The following MAPKAPK2 variants were observed in gnomAD, a reference collection of about 807,000 sequenced individuals.
The protein encoded by MAPKAPK2 is MAPK activated protein kinase 2, also known as MAP kinase-activated protein kinase 2.
A neutral mutation model predicts 48.8 loss-of-function variants in MAPKAPK2; 9 were observed. That is an observed-to-expected ratio of 0.18 (90% CI 0.11 to 0.32). The LOEUF (loss-of-function observed/expected upper bound fraction) is 0.32, where lower values mean the gene tolerates loss of function less well. Ranked by LOEUF, MAPKAPK2 falls within the 10% of genes least tolerant of loss-of-function variation. MAPKAPK2 has a pLI of 1.00. For missense variants in MAPKAPK2, 331 were observed against 498.3 expected (o/e 0.66, Z 3.20); for synonymous variants, 202 against 190.6 (o/e 1.06, Z -0.49).
intron 1 of MAPKAPK2, among the ~76,000 whole-genome samples, chr1:206,712,743 A>G (rs1673193785): frequency 6.6e-6 from 1 of 151,940 alleles, no homozygotes; most frequent in Non-Finnish European, 1.5e-5. Context: ...AGGTGGGTGA[A>G]TGACTTGAGG....
intron 6 of MAPKAPK2, 23 bp downstream of exon 6, chr1:206,730,786 T>TGGGGGGGGGGGGGGGGG: frequency 5.4e-6 from 3 of 552,132 alleles, no homozygotes; most frequent in African/African-American, 2.4e-5. Context: ...GGGAGGGGGC[T>TGGGGGGGGGGGGGGGGG]GGGTGGGGCA....
chr1:206,689,190 T>G (rs988047287), intron 1 of MAPKAPK2, among the ~76,000 whole-genome samples: 4 of 152,234 alleles, frequency 2.6e-5, no homozygotes, highest in Non-Finnish European at 5.9e-5. Flanking sequence ...ATTGCGTGGA[T>G]TAGAGAAAAC....
rs928971519 is a variant in MAPKAPK2, at chr1:206,732,322, A to G, written c.1060-253A>G. 1.5e-5 allele frequency: 21 copies of G among 1,443,142 alleles called. No individual in the cohort carries two copies. The highest frequency in any genetic ancestry group is 2.6e-4 in the Middle Eastern group (1 of 3,912). 89.4% of individuals were successfully genotyped at this position (1,443,142 alleles called of 1,614,324 possible). A position where few individuals can be genotyped will look rare whatever the true frequency, so the allele number is the denominator to read the frequency against. On this transcript the variant is annotated intron_variant, in intron 9 of 9. Transcript: ENST00000367103. This position sits in a 1 kb window ranked among gnomAD's most constrained non-coding sequence, Gnocchi z 4.4. ...CTCCTGGCCCAAGTCTCTTCCTCCT[A>G]TCCTGCGGGATCACTGGGGGGCTCT...
chr1:206,698,134 G>A (rs1287324816), intron 1 of MAPKAPK2, among the ~76,000 whole-genome samples: 2 of 152,160 alleles, frequency 1.3e-5, no homozygotes, highest in African/African-American at 4.8e-5. Context: ...CCTTTTTCCT[G>A]GCTGCAGTGT....
chr1:206,697,824 A>G (rs1231628643), intron 1 of MAPKAPK2, among the ~76,000 whole-genome samples: 1 of 152,266 alleles, frequency 6.6e-6, no homozygotes, highest in African/African-American at 2.4e-5. Flanking sequence ...TACACAAGAA[A>G]GAGAACCTGA....
chr1:206,723,706 CAGG>C (rs1553431537), intron 1 of MAPKAPK2, among the ~76,000 whole-genome samples: 1 of 152,180 alleles, frequency 6.6e-6, no homozygotes, highest in Non-Finnish European at 1.5e-5. Context: ...GGCAGACTTG[CAGG>C]AGGAGATGAG....
At chr1:206,730,822 C>A in intron 6 of MAPKAPK2, 59 bp downstream of exon 6, 7 of 1,551,144 alleles carry the variant, frequency 4.5e-6, no homozygotes, top group Non-Finnish European at 6.2e-6. Flanking sequence ...CTGTACTTCT[C>A]CAGGACAAGA....
intron 1 of MAPKAPK2, among the ~76,000 whole-genome samples, chr1:206,720,174 G>A (rs1017403054): frequency 3.9e-5 from 6 of 152,226 alleles, no homozygotes; most frequent in Admixed American, 6.5e-5. Flanking sequence ...GGCCTGAGAC[G>A]TGGATGGCTG....
At position 206,715,629 on chromosome 1, in the gene MAPKAPK2, C is replaced by CTT. The variant is rs11349381; in HGVS notation, c.280-13067_280-13066dup. 1.9e-3 allele frequency among the ~76,000 whole-genome samples: 253 copies of CTT among 131,552 alleles called. 1 individual carries two copies. Among genetic ancestry groups the CTT allele is most frequent in the East Asian group, 7.3e-3 (34 of 4,670 alleles). 86.3% of individuals were successfully genotyped at this position (131,552 alleles called of 152,430 possible). ...GTTTTTTTTTTCTTTTTCTTTCTTT[C>CTT]TTTTTTTTTTTTTTTGAGATAGGGT... On this transcript the variant is annotated intron_variant, in intron 1 of 9. Coordinates refer to ENST00000367103, the MANE Select transcript of MAPKAPK2 (RefSeq NM_032960.4).
intron 1 of MAPKAPK2, among the ~76,000 whole-genome samples, chr1:206,689,554 G>A (rs1446244969): frequency 1.3e-5 from 2 of 152,300 alleles, no homozygotes; most frequent in East Asian, 1.9e-4. Flanking sequence ...TTACAGGTAG[G>A]TAACAGTTTG....
At position 206,729,162 on chromosome 1, in the gene MAPKAPK2, C is replaced by G. The variant is rs2102414549; in HGVS notation, c.484+63C>G. On this transcript the variant is annotated intron_variant, in intron 3 of 9. Coordinates refer to ENST00000367103, the MANE Select transcript of MAPKAPK2 (RefSeq NM_032960.4). Reference sequence around the variant, plus strand: ...CAGGGCAGTGGGGGTCTGAAGGGGGCCTTTGCAGTGCCTGCTCTTGGGGAA... The same window carrying G: ...CAGGGCAGTGGGGGTCTGAAGGGGGGCTTTGCAGTGCCTGCTCTTGGGGAA... The G allele has an allele frequency of 2.0e-6, 3 of 1,527,156 alleles. 1 individual carries two copies. In the South Asian group the frequency reaches 3.4e-5, roughly 17 times the overall value. The allele number at this position is 1,527,156 out of a possible 1,614,324, so 94.6% of individuals were successfully genotyped here.
intron 1 of MAPKAPK2, among the ~76,000 whole-genome samples, chr1:206,698,596 T>C (rs975884465): frequency 4.6e-5 from 7 of 152,254 alleles, no homozygotes; most frequent in Non-Finnish European, 1.5e-5. Context: ...TAATAACAAG[T>C]CTTTATTGAG....
chr1:206,724,646 C>G (rs1553431687), intron 1 of MAPKAPK2, among the ~76,000 whole-genome samples: 1 of 145,604 alleles, frequency 6.9e-6, no homozygotes, highest in African/African-American at 2.5e-5. Flanking sequence ...TGCTAAGTTT[C>G]TCTAAGAAAT....
At chr1:206,726,517 C>A (rs1673707369) in intron 1 of MAPKAPK2, among the ~76,000 whole-genome samples, 1 of 152,252 alleles carries the variant, frequency 6.6e-6, no homozygotes, top group Non-Finnish European at 1.5e-5. Context: ...CTCCGGCCAC[C>A]TGTTACTCCA....
At chr1:206,715,787 C>T (rs943742640) in intron 1 of MAPKAPK2, among the ~76,000 whole-genome samples, 4 of 151,708 alleles carry the variant, frequency 2.6e-5, no homozygotes, top group Non-Finnish European at 4.4e-5. Flanking sequence ...CCACCATGCC[C>T]TGCTAATTTT....
intron 1 of MAPKAPK2, among the ~76,000 whole-genome samples, chr1:206,688,207 G>C (rs1553425824): frequency 6.6e-6 from 1 of 152,190 alleles, no homozygotes; most frequent in Non-Finnish European, 1.5e-5. Flanking sequence ...AGGTCATTTT[G>C]TCCAGCCCCC....
At chr1:206,726,673 T>G (rs971186959) in intron 1 of MAPKAPK2, among the ~76,000 whole-genome samples, 1 of 152,374 alleles carries the variant, frequency 6.6e-6, no homozygotes, top group Admixed American at 6.5e-5. Context: ...CTTTGGAGTC[T>G]ACCAGGCCTG....
intron 1 of MAPKAPK2, 57 bp downstream of exon 1, chr1:206,685,565 C>T (rs1281595095): frequency 1.2e-4 from 159 of 1,352,968 alleles, no homozygotes; most frequent in East Asian, 4.1e-4. Flanking sequence ...TGGAGCTCCA[C>T]GGCGTCGGGT....
intron 1 of MAPKAPK2, among the ~76,000 whole-genome samples, chr1:206,713,752 G>C (rs1673232655): frequency 6.6e-6 from 1 of 152,182 alleles, no homozygotes; most frequent in Admixed American, 6.5e-5. Context: ...TGTAGTCCCA[G>C]CTAGTCAGGT....
Sources: gnomAD v4.1 joint callset for allele counts (sites outside exome capture counted in the v4.1 genomes callset) on GRCh38, gnomAD v4.1.1 for gene constraint, Gnocchi (gnomAD v3.1) non-coding constraint, MANE v1.5 for transcripts, NCBI Gene and HGNC (gene_info 2026-07-23, HGNC 2026-07-21) for gene names.